The following PRKN variants were observed in gnomAD, a reference collection of about 807,000 sequenced individuals.
PRKN encodes parkin RBR E3 ubiquitin protein ligase.
PRKN carries 56 observed loss-of-function variants against 59.5 expected under a neutral mutation model. The ratio of observed to expected loss-of-function variants is 0.94; its 90% CI spans 0.76 to 1.18. The LOEUF is 1.18. Among genes scored for constraint, PRKN ranks in the 50% most tolerant of loss-of-function variants. PRKN has a pLI of 0.00. For synonymous variants in PRKN, 250 were observed against 222.1 expected, an observed-to-expected ratio of 1.13 and a Z score of -1.12; for missense variants, 657 against 596.4, an observed-to-expected ratio of 1.10 and a Z score of -1.06.
At chr6:162,041,991 A>G (rs1437293932) in intron 5 of PRKN, among the ~76,000 whole-genome samples, 1 of 152,112 alleles carries the variant, frequency 6.6e-6, no homozygotes, top group African/African-American at 2.4e-5. Flanking sequence ...AAGGCTCTCA[A>G]GCTTCACTCC....
intron 1 of PRKN, among the ~76,000 whole-genome samples, chr6:162,522,635 T>C (rs1475166760): frequency 6.6e-6 from 1 of 152,198 alleles, no homozygotes; most frequent in Non-Finnish European, 1.5e-5. Context: ...ATGGGGCAGG[T>C]GAACACCTTA....
chr6:161,972,046 G>A (rs1411720683), intron 6 of PRKN, among the ~76,000 whole-genome samples: 1 of 152,128 alleles, frequency 6.6e-6, no homozygotes, highest in Admixed American at 6.5e-5. Context: ...GGCTAAGGCG[G>A]GCGGATCACC....
intron 7 of PRKN, chr6:161,783,657 T>C (rs1452453539): frequency 5.9e-6 from 3 of 506,422 alleles, no homozygotes; most frequent in Non-Finnish European, 1.2e-5. Flanking sequence ...GTTTCTATTG[T>C]TTGTGGCTTT....
At chr6:162,151,480 T>C (rs565439856) in intron 4 of PRKN, among the ~76,000 whole-genome samples, 2 of 152,358 alleles carry the variant, frequency 1.3e-5, no homozygotes, top group Non-Finnish European at 2.9e-5. Context: ...GAAGCTAAAA[T>C]GTTTAGTTGA....
chr6:161,425,160 T>C (rs990368438), intron 9 of PRKN, among the ~76,000 whole-genome samples: 16 of 152,090 alleles, frequency 1.1e-4, no homozygotes, highest in South Asian at 6.2e-4. Flanking sequence ...AGGAGGAAAC[T>C]GCATCCTGAG....
At chr6:162,680,171 A>G (rs1779716009) in intron 1 of PRKN, among the ~76,000 whole-genome samples, 1 of 151,302 alleles carries the variant, frequency 6.6e-6, no homozygotes, top group Non-Finnish European at 1.5e-5. Context: ...TACTTAATTA[A>G]GCATATATAT....
At chr6:161,716,993 T>A (rs1484808377) in intron 7 of PRKN, among the ~76,000 whole-genome samples, 1 of 152,152 alleles carries the variant, frequency 6.6e-6, no homozygotes, top group Non-Finnish European at 1.5e-5. Context: ...CGGGCATGTG[T>A]TCTAATTGCT....
intron 2 of PRKN, among the ~76,000 whole-genome samples, chr6:162,325,309 T>C (rs1783220653): frequency 6.6e-6 from 1 of 152,172 alleles, no homozygotes; most frequent in Non-Finnish European, 1.5e-5. Context: ...TCTTAAGAGC[T>C]CTGTGCTATT....
chr6:162,546,714 G>T (rs1420001302), intron 1 of PRKN, among the ~76,000 whole-genome samples: 1 of 152,108 alleles, frequency 6.6e-6, no homozygotes, highest in Non-Finnish European at 1.5e-5. Flanking sequence ...AAAATACTGG[G>T]ATTACAGGCG....
rs1434923046 is a variant in PRKN, at chr6:161,480,544, G to A, written c.1083+68310C>T. On this transcript the variant is annotated intron_variant, in intron 9 of 11. Transcript: ENST00000366898. The surrounding 1 kb of genome is among the most constrained non-coding windows in gnomAD (Gnocchi z 4.1). ...ATTCCATTGGTATTAATAACACTGC[G>A]ATGATGGGTCTTTTGTGCATTCCTG... Among the ~76,000 whole-genome samples the A allele has an allele frequency of 6.6e-6, 1 of 152,316 alleles. No individual in the cohort carries two copies. The highest frequency in any genetic ancestry group is 1.5e-5 in the Non-Finnish European group (1 of 68,022).
At chr6:162,396,484 G>A (rs980243898) in intron 2 of PRKN, among the ~76,000 whole-genome samples, 2 of 152,074 alleles carry the variant, frequency 1.3e-5, no homozygotes, top group African/African-American at 4.8e-5. Flanking sequence ...ACTCTTCCCT[G>A]CCTTTGTGAC....
chr6:162,198,195 T>A (rs569387128), intron 4 of PRKN, among the ~76,000 whole-genome samples: 2 of 152,088 alleles, frequency 1.3e-5, no homozygotes, highest in African/African-American at 2.4e-5. Flanking sequence ...AGGTGGAGCA[T>A]CTCTGGGAAC....
At chr6:161,392,113 A>AT (rs1786531481) in intron 9 of PRKN, among the ~76,000 whole-genome samples, 1 of 151,900 alleles carries the variant, frequency 6.6e-6, no homozygotes, top group Non-Finnish European at 1.5e-5. Context: ...GAAACAAATT[A>AT]TTTTTAATAG....
intron 1 of PRKN, among the ~76,000 whole-genome samples, chr6:162,508,172 G>A (rs891856105): frequency 2.6e-5 from 4 of 152,212 alleles, no homozygotes; most frequent in East Asian, 1.9e-4. Flanking sequence ...ATGCAAAAGC[G>A]GAAATCCCTG....
At chr6:162,112,384 C>T (rs1780477311) in intron 4 of PRKN, among the ~76,000 whole-genome samples, 1 of 152,010 alleles carries the variant, frequency 6.6e-6, no homozygotes, top group Non-Finnish European at 1.5e-5. Context: ...CACAGAATAC[C>T]TAAGTTTCTC....
intron 4 of PRKN, among the ~76,000 whole-genome samples, chr6:162,071,033 G>A (rs1778554178): frequency 6.6e-6 from 1 of 152,096 alleles, no homozygotes; most frequent in Admixed American, 6.5e-5. Context: ...TTCTATTAGT[G>A]AAGCAGTCAC....
chr6:161,813,492 C>G (rs1002694816), intron 6 of PRKN, among the ~76,000 whole-genome samples: 1 of 152,194 alleles, frequency 6.6e-6, no homozygotes, highest in Non-Finnish European at 1.5e-5. Context: ...ACCTGTCTGG[C>G]CTTCCATAAT....
rs954194850 is a variant in PRKN, at chr6:161,397,116, C to T, written c.1084-10239G>A. ...TACCTCTATTAAACTGTTTCACCCT[C>T]TATATGAAACTGTCTCCACCTATCT... On this transcript the variant is annotated intron_variant, in intron 9 of 11. Transcript: ENST00000366898. This position sits in a 1 kb window ranked among gnomAD's most constrained non-coding sequence, Gnocchi z 4.2. Among the ~76,000 whole-genome samples the T allele has an allele frequency of 1.3e-5, 2 of 152,162 alleles. No homozygotes were observed. Among genetic ancestry groups the T allele is most frequent in the African/African-American group, 4.8e-5 (2 of 41,418 alleles).
chr6:161,925,468 G>T (rs892913898), intron 6 of PRKN, among the ~76,000 whole-genome samples: 6 of 152,138 alleles, frequency 3.9e-5, no homozygotes, highest in Non-Finnish European at 8.8e-5. Context: ...CTACTCAGGA[G>T]GCTGAGGTAA....
Sources: allele counts gnomAD v4.1 joint callset (sites outside exome capture counted in the v4.1 genomes callset), GRCh38; gene constraint gnomAD v4.1.1; non-coding constraint Gnocchi (gnomAD v3.1); transcripts MANE v1.5; gene names NCBI Gene and HGNC (gene_info 2026-07-23, HGNC 2026-07-21).